The following IL17REL variants were observed in gnomAD, a reference collection of about 807,000 sequenced individuals.
The protein encoded by IL17REL is interleukin-17 receptor E-like protein.
In IL17REL, 36 loss-of-function variants were observed where a neutral mutation model predicts 49.0. That is an observed-to-expected ratio of 0.73 (90% CI 0.56 to 0.97). The LOEUF is 0.97. Among genes scored for constraint, IL17REL ranks in the 50% least tolerant of loss-of-function variants. The pLI is 0.00. For missense variants in IL17REL, 470 were observed against 453.9 expected (o/e 1.04, Z -0.32); for synonymous variants, 206 against 192.4 (o/e 1.07, Z -0.58).
At chr22:49,992,117 C>T (rs1452421657), downstream of IL17REL, among the ~76,000 whole-genome samples, 2 of 152,124 alleles carry the variant, frequency 1.3e-5, no homozygotes, top group African/African-American at 2.4e-5. Context: ...AGTGAGCAGA[C>T]GGATGACTTT....
At chr22:49,997,866 G>A (rs2061046739) in intron 9 of IL17REL, 124 bp from the exon 12 acceptor site, 7 of 1,363,552 alleles carry the variant, frequency 5.1e-6, no homozygotes, top group Middle Eastern at 2.1e-4. Flanking sequence ...CTCCTCCTTA[G>A]GCCCTTAGCT....
intron 7 of IL17REL, among the ~76,000 whole-genome samples, chr22:49,998,951 G>A (rs1483524126): frequency 2.0e-5 from 3 of 152,066 alleles, no homozygotes; most frequent in Non-Finnish European, 4.4e-5. Context: ...GGGCGTGTAT[G>A]TTCGTGGGTG....
At chr22:49,997,515 G>A (rs1289293095) in intron 10 of IL17REL, 32 bp from the exon 13 acceptor site, 21 of 1,370,854 alleles carry the variant, frequency 1.5e-5, no homozygotes, top group Middle Eastern at 1.8e-4. Context: ...ACCCCCATCC[G>A]GCCCAGCACC....
chr22:49,992,219 A>T (rs6010244), downstream of IL17REL, among the ~76,000 whole-genome samples: 3,201 of 152,294 alleles, frequency 0.021, 113 homozygotes, highest in African/African-American at 0.073. Context: ...AACGTTGGTC[A>T]CTTTTATTCA....
intron 1 of IL17REL, among the ~76,000 whole-genome samples, chr22:50,007,247 C>T (rs2061115087): frequency 6.6e-6 from 1 of 152,062 alleles, no homozygotes; most frequent in South Asian, 2.1e-4. Flanking sequence ...CCACAAGATC[C>T]GCCCCCTCCA....
chr22:50,011,305 G>A (rs1336508887), upstream of IL17REL, among the ~76,000 whole-genome samples: 2 of 147,290 alleles, frequency 1.4e-5, no homozygotes, highest in Non-Finnish European at 3.0e-5. Flanking sequence ...CCTTGCCCCT[G>A]CCCCTTTCCT....
At chr22:50,009,110 G>C (rs993197120), upstream of IL17REL, 25 of 152,098 alleles carry the variant, frequency 1.6e-4, no homozygotes, top group African/African-American at 6.0e-4. Flanking sequence ...GGAGGAGCAA[G>C]AGGGGTCCGG....
exon 12 of IL17REL, chr22:49,997,004 A>G (rs2092722681): frequency 6.6e-7 from 1 of 1,526,398 alleles, no homozygotes; most frequent in South Asian, 1.3e-5. Flanking sequence ...CTGGATGCAG[A>G]TGCCTGGGGC....
chr22:49,999,476 G>A (rs1275499029), exon 6 of IL17REL: 4 of 1,610,058 alleles, frequency 2.5e-6, no homozygotes, highest in Non-Finnish European at 3.4e-6. Flanking sequence ...GCAGGAAGAC[G>A]GCCTGGGAGA....
rs370778377 is a variant in IL17REL at position 49,999,264 on chromosome 22, C to T, written c.601+27G>A. On this transcript the variant is annotated intron_variant, in intron 7 of 12. Coordinates refer to ENST00000341280, the Ensembl canonical transcript of IL17REL. ...CTGGCCGCAGCCATTCCCACCCTTC[C>T]GCCCGTTGGCATCGCAGGACACTTG... is the stretch of plus-strand genomic sequence containing the variant. The T allele has an allele frequency of 4.3e-6, 7 of 1,612,558 alleles. No individual in the cohort carries two copies. In the African/African-American group the frequency reaches 8.0e-5, roughly 18 times the overall value.
rs551519872 is a variant in IL17REL, at chr22:50,000,784, C to T, written c.189G>A (p.Arg63=). 8.1e-6 allele frequency: 13 copies of T among 1,598,866 alleles called. No homozygotes were observed. In the Admixed American group the frequency reaches 1.2e-4, roughly 15 times the overall value. The change falls in exon 3 of 13, where the codon AGG becomes AGA. Residue 63 remains arginine (R), a synonymous_variant. Coordinates refer to ENST00000341280, the Ensembl canonical transcript of IL17REL. ...GCCCCCCCTGCTGCCGGTGGGAGGC[C>T]CTGGCCACCCACACGCTCTGACACT... is the stretch of plus-strand genomic sequence containing the variant.
chr22:50,004,397 A>G (rs1296086142), intron 1 of IL17REL, among the ~76,000 whole-genome samples: 1 of 152,166 alleles, frequency 6.6e-6, no homozygotes, highest in Non-Finnish European at 1.5e-5. Flanking sequence ...TTTAAAAATA[A>G]AGCTGGATGG....
chr22:49,997,217 G>T (rs1019415324), intron 11 of IL17REL, 103 bp downstream of exon 13: 9 of 1,419,918 alleles, frequency 6.3e-6, no homozygotes, highest in Admixed American at 2.0e-5. Context: ...ACCCTGGGTG[G>T]GCTCAGGGCC....
upstream of IL17REL, among the ~76,000 whole-genome samples, chr22:50,009,370 AG>A (rs1157818359): frequency 6.6e-6 from 1 of 152,168 alleles, no homozygotes; most frequent in East Asian, 1.9e-4. Flanking sequence ...ACGGGGCAGA[AG>A]GGTCCTGTGG....
exon 13 of IL17REL, chr22:49,996,024 G>A (rs541388490): frequency 6.5e-6 from 1 of 152,688 alleles, no homozygotes; most frequent in South Asian, 2.1e-4. Flanking sequence ...ACCTAGGCTT[G>A]GCCAAAAAGT....
At chr22:50,009,558 G>A (rs1386083274), upstream of IL17REL, among the ~76,000 whole-genome samples, 1 of 151,760 alleles carries the variant, frequency 6.6e-6, no homozygotes, top group Non-Finnish European at 1.5e-5. Flanking sequence ...GTGTTGGACT[G>A]TGCAGCCCGC....
Position 49,999,164 on chromosome 22 carries a change from G to T in IL17REL, c.601+127C>A, listed in dbSNP as rs933810967. 2.6e-6 allele frequency: 3 copies of T among 1,158,832 alleles called. No homozygotes were observed. In the African/African-American group the frequency reaches 4.5e-5, roughly 18 times the overall value. The allele number at this position is 1,158,832 out of a possible 1,614,324, so 71.8% of individuals were successfully genotyped here. On this transcript the variant is annotated intron_variant, in intron 7 of 12. Coordinates refer to ENST00000341280, the Ensembl canonical transcript of IL17REL. ...GGTTCCCTTGGTGACAAGCCCTTCC[G>T]AGCAGGCTCAGGGATTTAGGCTGGG... is the stretch of plus-strand genomic sequence containing the variant.
chr22:49,997,574 C>T, intron 10 of IL17REL, 91 bp from the exon 13 acceptor site: 2 of 1,389,286 alleles, frequency 1.4e-6, no homozygotes, highest in African/African-American at 1.4e-5. Flanking sequence ...GCCCACTGTA[C>T]CTCCCCCACA....
In IL17REL at chr22:50,000,987, C is replaced by T. The variant is rs2061076162; in HGVS notation, c.109+95G>A. Reference sequence around the variant, plus strand: ...AGTGCGGTTAGCAGCCCCCCTCCCTCACCAGGCCGCCCAAGGTTTGATGGG... The same window carrying T: ...AGTGCGGTTAGCAGCCCCCCTCCCTTACCAGGCCGCCCAAGGTTTGATGGG... On this transcript the variant is annotated intron_variant, in intron 2 of 12. Coordinates refer to ENST00000341280, the Ensembl canonical transcript of IL17REL. 3 of 1,274,658 alleles carry T rather than the reference C, an allele frequency of 2.4e-6. No individual in the cohort carries two copies. The East Asian group carries it at 7.6e-5, about 32-fold the overall frequency. 79.0% of individuals were successfully genotyped at this position (1,274,658 alleles called of 1,614,324 possible). A position where few individuals can be genotyped will look rare whatever the true frequency, so the allele number is the denominator to read the frequency against.
Sources: allele counts gnomAD v4.1 joint callset (sites outside exome capture counted in the v4.1 genomes callset), GRCh38; gene constraint gnomAD v4.1.1; transcripts MANE v1.5; gene names NCBI Gene and HGNC (gene_info 2026-07-23, HGNC 2026-07-21).